Variants in ACMSD observed in about 807,000 individuals in gnomAD.
ACMSD encodes aminocarboxymuconate semialdehyde decarboxylase.
Under a neutral mutation model 45.9 loss-of-function variants are expected in ACMSD, and 37 were observed. That is an observed-to-expected ratio of 0.81 (90% CI 0.62 to 1.06). The LOEUF is 1.06. ACMSD is among the 50% of genes least tolerant of loss of function. The pLI is 0.00. For missense variants in ACMSD, 434 were observed against 420.9 expected (o/e 1.03, Z -0.27); for synonymous variants, 138 against 148.8 (o/e 0.93, Z 0.53).
Position 134,872,633 on chromosome 2 carries a change from AT to A in ACMSD, c.842del (p.Ile281LysfsTer16), listed in dbSNP as rs1688515610. On this transcript the variant is annotated frameshift_variant, in exon 8 of 10. Transcript: ENST00000356140. LOFTEE classifies it high-confidence loss of function. ...GTCCCTCAAGCTGTTAACAGATGTC[AT>A]AGGAAAGGTAAGCCCAGTCTGCCAC... ...PLSLKLLTDV[I>X]GKDKVILGTD... 1 of 1,614,184 alleles carries A rather than the reference AT, an allele frequency of 6.2e-7. No individual in the cohort carries two copies. Among genetic ancestry groups the A allele is most frequent in the Non-Finnish European group, 8.5e-7 (1 of 1,180,018 alleles).
Position 134,864,065 on chromosome 2 carries a change from T to C in ACMSD, c.486+434T>C, listed in dbSNP as rs1034388162. On this transcript the variant is annotated intron_variant, in intron 5 of 9. Coordinates refer to ENST00000356140, the MANE Select transcript of ACMSD (RefSeq NM_138326.3). ...GGGCGGATCACTTGAGGCCAGAAGT[T>C]CGAGGCCAGCCTGACCAACATAGCA... is the stretch of plus-strand genomic sequence containing the variant. Among the ~76,000 whole-genome samples, 32 of 152,056 alleles carry C rather than the reference T, an allele frequency of 2.1e-4. 1 individual carries two copies. The highest frequency in any genetic ancestry group is 7.7e-4 in the African/African-American group (32 of 41,366).
At chr2:134,878,617 G>A (rs970540136) in intron 8 of ACMSD, among the ~76,000 whole-genome samples, 9 of 152,186 alleles carry the variant, frequency 5.9e-5, no homozygotes, top group African/African-American at 2.2e-4. Flanking sequence ...GTGAGCCACT[G>A]TGCCAGGCCA....
intron 2 of ACMSD, among the ~76,000 whole-genome samples, chr2:134,852,574 G>A (rs1364260714): frequency 5.3e-5 from 8 of 152,148 alleles, no homozygotes; most frequent in Admixed American, 4.6e-4. Flanking sequence ...GATAGAAGCC[G>A]CCAACCCAGA....
chr2:134,844,192 T>A (rs995030959), intron 1 of ACMSD, among the ~76,000 whole-genome samples: 1 of 152,228 alleles, frequency 6.6e-6, no homozygotes. Flanking sequence ...TCCACAGTTT[T>A]TATGCATGAT....
intron 8 of ACMSD, among the ~76,000 whole-genome samples, chr2:134,879,547 A>T (rs778851875): frequency 4.6e-5 from 7 of 152,190 alleles, no homozygotes; most frequent in Admixed American, 1.3e-4. Flanking sequence ...ACAAGAATGC[A>T]TATTTACTAT....
At chr2:134,880,453 C>G (rs1381280235) in intron 8 of ACMSD, among the ~76,000 whole-genome samples, 1 of 152,020 alleles carries the variant, frequency 6.6e-6, no homozygotes, top group Non-Finnish European at 1.5e-5. Context: ...AAAGTAGAAC[C>G]TATTTTTGTT....
chr2:134,883,133 G>T (rs571437099), intron 8 of ACMSD, among the ~76,000 whole-genome samples: 8 of 152,098 alleles, frequency 5.3e-5, no homozygotes, highest in Non-Finnish European at 8.8e-5. Context: ...TTATTCCTTG[G>T]GGTTTAATAC....
At chr2:134,885,746 T>C (rs942951200) in intron 8 of ACMSD, among the ~76,000 whole-genome samples, 5 of 152,164 alleles carry the variant, frequency 3.3e-5, no homozygotes, top group Non-Finnish European at 2.9e-5. Context: ...GATGACAGCC[T>C]CTTTGCCTTA....
chr2:134,893,902 T>C (rs190374245), intron 8 of ACMSD, among the ~76,000 whole-genome samples: 3 of 152,188 alleles, frequency 2.0e-5, no homozygotes, highest in East Asian at 3.9e-4. Flanking sequence ...CAAGGAAAAT[T>C]AGAAAACATT....
chr2:134,886,850 G>A (rs1689489168), intron 8 of ACMSD, among the ~76,000 whole-genome samples: 1 of 152,124 alleles, frequency 6.6e-6, no homozygotes, highest in Admixed American at 6.5e-5. Context: ...AATTTTTAAG[G>A]ACCCTACAAA....
intron 2 of ACMSD, among the ~76,000 whole-genome samples, chr2:134,845,541 C>CTCTG (rs1261485110): frequency 6.6e-6 from 1 of 151,410 alleles, no homozygotes; most frequent in African/African-American, 2.4e-5. Context: ...CTCTCTCTCT[C>CTCTG]TCTCTCTCTC....
chr2:134,854,712 T>A (rs1238681798), intron 2 of ACMSD, among the ~76,000 whole-genome samples: 1 of 152,210 alleles, frequency 6.6e-6, no homozygotes, highest in Non-Finnish European at 1.5e-5. Context: ...GGATTCTACC[T>A]CAAGAAAGCA....
At chr2:134,845,371 C>A in intron 2 of ACMSD, 94 bp downstream of exon 2, 1 of 1,314,166 alleles carries the variant, frequency 7.6e-7, no homozygotes, top group Non-Finnish European at 1.1e-6. Flanking sequence ...GGGAACCCCA[C>A]TCTTCTGCCC....
chr2:134,849,371 C>A (rs1687223711), intron 2 of ACMSD, among the ~76,000 whole-genome samples: 1 of 152,156 alleles, frequency 6.6e-6, no homozygotes, highest in Non-Finnish European at 1.5e-5. Flanking sequence ...CCAAAACATA[C>A]CCAGTCTGTA....
intron 5 of ACMSD, among the ~76,000 whole-genome samples, chr2:134,864,071 C>G (rs1687979730): frequency 6.6e-6 from 1 of 152,114 alleles, no homozygotes; most frequent in Non-Finnish European, 1.5e-5. Flanking sequence ...AAGTTCGAGG[C>G]CAGCCTGACC....
chr2:134,872,710 C>G (rs1688520930), intron 8 of ACMSD, 69 bp downstream of exon 8: 1 of 1,557,142 alleles, frequency 6.4e-7, no homozygotes, highest in African/African-American at 1.4e-5. Context: ...CATTCTCTCT[C>G]CTTTGGCCTC....
intron 8 of ACMSD, among the ~76,000 whole-genome samples, chr2:134,885,232 ATATGTAAATATATATT>A (rs1181565316): frequency 8.2e-6 from 1 of 121,274 alleles, no homozygotes; most frequent in African/African-American, 3.3e-5. Flanking sequence ...TATATAATAC[ATATGTAAATATATATT>A]TATATATAAT....
intron 6 of ACMSD, among the ~76,000 whole-genome samples, chr2:134,869,264 G>A (rs973613778): frequency 2.0e-5 from 3 of 152,018 alleles, no homozygotes; most frequent in African/African-American, 7.3e-5. Context: ...CCAGGCTGGA[G>A]TGCAGTGGTG....
At chr2:134,843,140 C>T (rs1334924459) in intron 1 of ACMSD, among the ~76,000 whole-genome samples, 2 of 152,130 alleles carry the variant, frequency 1.3e-5, no homozygotes, top group Non-Finnish European at 2.9e-5. Context: ...TCCATTCCTC[C>T]CCCAACACAC....
Sources: allele counts gnomAD v4.1 joint callset (sites outside exome capture counted in the v4.1 genomes callset), GRCh38; gene constraint gnomAD v4.1.1; transcripts MANE v1.5; gene names NCBI Gene and HGNC (gene_info 2026-07-23, HGNC 2026-07-21).